The following DCLK3 variants were observed in gnomAD, a reference collection of about 807,000 sequenced individuals.
The protein encoded by DCLK3 is serine/threonine-protein kinase DCLK3.
A neutral mutation model predicts 46.4 loss-of-function variants in DCLK3; 30 were observed. The observed-to-expected ratio is 0.65, with a 90% CI of 0.48 to 0.88. DCLK3 has a LOEUF of 0.88. Among genes scored for constraint, DCLK3 ranks in the 40% least tolerant of loss-of-function variants. The pLI is 0.00. For synonymous variants in DCLK3, 401 were observed against 339.2 expected (o/e 1.18, Z -2.00); for missense variants, 846 against 907.1 (o/e 0.93, Z 0.87).
intron 1 of DCLK3, among the ~76,000 whole-genome samples, chr3:36,756,727 G>T (rs949052719): frequency 6.6e-6 from 1 of 152,090 alleles, no homozygotes; most frequent in Admixed American, 6.5e-5. Context: ...CTTCCTGTAG[G>T]GTGCCTTGGA....
chr3:36,730,736 A>C (rs548112328), intron 2 of DCLK3, among the ~76,000 whole-genome samples: 1 of 152,242 alleles, frequency 6.6e-6, no homozygotes, highest in South Asian at 2.1e-4. Context: ...CCATCATCAC[A>C]GAAAATTCTA....
chr3:36,754,951 T>C, intron 1 of DCLK3, among the ~76,000 whole-genome samples: 1 of 152,340 alleles, frequency 6.6e-6, no homozygotes, highest in East Asian at 1.9e-4. Flanking sequence ...TAATTACATA[T>C]ATTAACTATC....
At chr3:36,731,160 T>A (rs1283575104) in intron 2 of DCLK3, among the ~76,000 whole-genome samples, 1 of 152,200 alleles carries the variant, frequency 6.6e-6, no homozygotes, top group African/African-American at 2.4e-5. Context: ...GCCCAGCTGA[T>A]GAAGGAATGG....
chr3:36,762,711 C>T (rs1701550442), intron 1 of DCLK3, among the ~76,000 whole-genome samples: 1 of 152,126 alleles, frequency 6.6e-6, no homozygotes, highest in Non-Finnish European at 1.5e-5. Flanking sequence ...GATGGAGGGA[C>T]TGGCAATTGG....
In DCLK3 at chr3:36,738,141, A is replaced by T. The variant is rs746538239; in HGVS notation, c.1026T>A (p.Asp342Glu). ...ELDMGKGPMYDVEKLVRTRSC... is the reference protein window; with the variant it reads ...ELDMGKGPMYEVEKLVRTRSC... ...TTCTGGTCCTCACCAGCTTCTCCAC[A>T]TCATACATTGGGCCCTTCCCCATAT... The change falls in exon 2 of 5, where the codon GAT (aspartate) becomes GAA (glutamate). Residue 342 changes from aspartate to glutamate, a missense_variant. Physicochemically the swap from Asp to Glu is conservative, Grantham distance 45. This residue lies in a region of DCLK3 where 553 missense variants were observed against 543.0 expected (regional missense o/e 1.02). Transcript: ENST00000636136. The T allele has an allele frequency of 1.2e-6, 2 of 1,613,820 alleles. No homozygotes were observed. The highest frequency in any genetic ancestry group is 1.7e-6 in the Non-Finnish European group (2 of 1,179,958).
At chr3:36,724,367 A>G (rs1051820275) in intron 2 of DCLK3, among the ~76,000 whole-genome samples, 5 of 152,156 alleles carry the variant, frequency 3.3e-5, no homozygotes, top group Non-Finnish European at 7.4e-5. Flanking sequence ...ATGAGTTAAG[A>G]CTTTGGGGAA....
Position 36,760,393 on chromosome 3 carries a change from G to A in DCLK3, c.82+3789C>T, listed in dbSNP as rs918998077. Among the ~76,000 whole-genome samples, 8 of 150,524 alleles carry A rather than the reference G, an allele frequency of 5.3e-5. 1 individual carries two copies. Among genetic ancestry groups the A allele is most frequent in the East Asian group, 3.9e-4 (2 of 5,112 alleles). Reference sequence around the variant, plus strand: ...TCGCAAGGACAAAAAACCAAACACCGCATTTTCTCACTCATAGGTGGGAAT... The same window carrying A: ...TCGCAAGGACAAAAAACCAAACACCACATTTTCTCACTCATAGGTGGGAAT... On this transcript the variant is annotated intron_variant, in intron 1 of 4. Transcript: ENST00000636136.
intron 1 of DCLK3, among the ~76,000 whole-genome samples, chr3:36,742,676 T>C (rs1334332698): frequency 6.6e-6 from 1 of 152,238 alleles, no homozygotes; most frequent in East Asian, 1.9e-4. Context: ...AACCTTCGGA[T>C]GCACTGATTT....
chr3:36,745,575 G>A (rs905598044), intron 1 of DCLK3, among the ~76,000 whole-genome samples: 8 of 152,158 alleles, frequency 5.3e-5, no homozygotes, highest in Non-Finnish European at 1.0e-4. Context: ...AGGTGCCCCT[G>A]AAAATATTTT....
chr3:36,761,147 T>C (rs1281298411), intron 1 of DCLK3, among the ~76,000 whole-genome samples: 12 of 152,254 alleles, frequency 7.9e-5, no homozygotes, highest in Admixed American at 7.2e-4. Context: ...ATCTCTATTC[T>C]ACCACTTGCT....
chr3:36,718,285 G>A lies in DCLK3; in HGVS notation c.2093-108C>T, dbSNP rs191352502. On this transcript the variant is annotated intron_variant, in intron 3 of 4. Transcript: ENST00000636136. ...GTTCTAAATAGATCTAAGTCATAGAGGATCCCAGCTCTCAGCAACCAAGAG... is the reference window on the plus strand; with the variant it reads ...GTTCTAAATAGATCTAAGTCATAGAAGATCCCAGCTCTCAGCAACCAAGAG... 1.9e-3 allele frequency: 2,823 copies of A among 1,498,986 alleles called. 8 individuals carry two copies. Among genetic ancestry groups the A allele is most frequent in the South Asian group, 3.1e-3 (252 of 80,080 alleles). The allele number at this position is 1,498,986 out of a possible 1,614,324, so 92.9% of individuals were successfully genotyped here.
At chr3:36,729,093 C>T (rs534249333) in intron 2 of DCLK3, among the ~76,000 whole-genome samples, 18 of 152,326 alleles carry the variant, frequency 1.2e-4, no homozygotes, top group African/African-American at 4.3e-4. Flanking sequence ...ACGCCACACA[C>T]CAGGTGTGAT....
chr3:36,721,986 A>T (rs1476142839), intron 2 of DCLK3, among the ~76,000 whole-genome samples: 1 of 152,248 alleles, frequency 6.6e-6, no homozygotes, highest in Non-Finnish European at 1.5e-5. Context: ...CTCAAAAGCC[A>T]CTTGTGGCTT....
intron 2 of DCLK3, among the ~76,000 whole-genome samples, chr3:36,735,089 T>C (rs1344129921): frequency 6.6e-6 from 1 of 152,214 alleles, no homozygotes; most frequent in African/African-American, 2.4e-5. Flanking sequence ...GTTTTAATGC[T>C]ATAGTAGGCA....
At chr3:36,750,444 G>A (rs1427867016) in intron 1 of DCLK3, among the ~76,000 whole-genome samples, 1 of 152,132 alleles carries the variant, frequency 6.6e-6, no homozygotes, top group Admixed American at 6.5e-5. Context: ...GCTCCACTGT[G>A]CTGTTTATTG....
Position 36,738,596 on chromosome 3 carries a change from T to C in DCLK3, c.571A>G (p.Lys191Glu), listed in dbSNP as rs776060491. ...QVAVEELYPN[K>E]ARALTLAQHS... ...TGGGCCAGTGTCAGGGCCCGGGCTT[T>C]GTTGGGGTACAGTTCTTCTACAGCC... Residue 191 changes from lysine (K) to glutamate (E), a missense_variant, in exon 2 of 5, where the codon AAA (lysine) becomes GAA (glutamate). Coordinates refer to ENST00000636136, the MANE Select transcript of DCLK3 (RefSeq NM_001394672.2). The C allele has an allele frequency of 1.4e-6, 2 of 1,403,758 alleles. No homozygotes were observed. Among genetic ancestry groups the C allele is most frequent in the African/African-American group, 1.5e-5 (1 of 67,678 alleles). 87.0% of individuals were successfully genotyped at this position (1,403,758 alleles called of 1,614,324 possible). A position where few individuals can be genotyped will look rare whatever the true frequency, so the allele number is the denominator to read the frequency against.
At chr3:36,740,604 C>G (rs1177837137) in intron 1 of DCLK3, among the ~76,000 whole-genome samples, 3 of 152,170 alleles carry the variant, frequency 2.0e-5, no homozygotes, top group Non-Finnish European at 4.4e-5. Context: ...TTTTGTATTT[C>G]CTAATTGACT....
At chr3:36,760,971 G>C (rs1259162817) in intron 1 of DCLK3, among the ~76,000 whole-genome samples, 1 of 152,148 alleles carries the variant, frequency 6.6e-6, no homozygotes, top group African/African-American at 2.4e-5. Flanking sequence ...GGGTTTGAGG[G>C]GCCAGAGCCC....
Position 36,715,036 on chromosome 3 carries a change from CTT to C in DCLK3, c.*290_*291del. 2.9e-6 allele frequency: 1 copy of C among 350,288 alleles called. No individual in the cohort carries two copies. Among genetic ancestry groups the C allele is most frequent in the Non-Finnish European group, 5.2e-6 (1 of 190,510 alleles). 21.7% of individuals were successfully genotyped at this position (350,288 alleles called of 1,614,324 possible). A position where few individuals can be genotyped will look rare whatever the true frequency, so the allele number is the denominator to read the frequency against. ...CACCACTCCTGTAGTACAGAATAAACTTGGTTACAAAGGGGAAGCAAAACACA... is the reference window on the plus strand; with the variant it reads ...CACCACTCCTGTAGTACAGAATAAACGGTTACAAAGGGGAAGCAAAACACA... On this transcript the variant is annotated 3_prime_UTR_variant, in exon 5 of 5. Coordinates refer to ENST00000636136, the MANE Select transcript of DCLK3 (RefSeq NM_001394672.2).
Sources: gnomAD v4.1 joint callset for allele counts (sites outside exome capture counted in the v4.1 genomes callset) on GRCh38, gnomAD v4.1.1 for gene constraint, gnomAD v4.1.1 regional missense constraint, MANE v1.5 for transcripts, NCBI Gene and HGNC (gene_info 2026-07-23, HGNC 2026-07-21) for gene names.